Variants in SP100 observed in about 807,000 individuals in gnomAD.
SP100 encodes nuclear autoantigen Sp-100.
SP100 carries 84 observed loss-of-function variants against 130.0 expected under a neutral mutation model. The observed-to-expected ratio is 0.65, with a 90% CI of 0.54 to 0.77. The LOEUF (loss-of-function observed/expected upper bound fraction) is 0.77, where lower values mean the gene tolerates loss of function less well. Ranked by LOEUF, SP100 falls within the 30% of genes least tolerant of loss-of-function variation. The probability of loss-of-function intolerance (pLI) is 0.00; values close to 1 mark genes in which losing one functional copy is unlikely to be tolerated. For synonymous variants in SP100, 331 were observed against 351.7 expected (o/e 0.94, Z 0.66); for missense variants, 978 against 1,052.2 (o/e 0.93, Z 0.97).
At chr2:230,448,126 T>C (rs1437757565) in intron 5 of SP100, among the ~76,000 whole-genome samples, 2 of 152,198 alleles carry the variant, frequency 1.3e-5, no homozygotes, top group Admixed American at 6.5e-5. Flanking sequence ...AACTTGGTGA[T>C]GGCAGAAGAG....
intron 24 of SP100, among the ~76,000 whole-genome samples, chr2:230,523,059 C>A (rs1377151164): frequency 6.6e-6 from 1 of 152,056 alleles, no homozygotes; most frequent in Non-Finnish European, 1.5e-5. Flanking sequence ...AAATGATCCA[C>A]CTGCCTCAGC....
chr2:230,479,147 CA>C (rs1367228925), intron 17 of SP100, among the ~76,000 whole-genome samples: 1 of 152,190 alleles, frequency 6.6e-6, no homozygotes, highest in African/African-American at 2.4e-5. Context: ...TTTTCAACTA[CA>C]GCTCTCCCAC....
At chr2:230,418,553 A>G (rs2062682363) in intron 2 of SP100, among the ~76,000 whole-genome samples, 1 of 151,176 alleles carries the variant, frequency 6.6e-6, no homozygotes, top group Non-Finnish European at 1.5e-5. Context: ...GGTCACCCCA[A>G]ACTTCCCGTT....
rs148522006 is a variant in SP100, at chr2:230,434,879, G to T, written c.108-8058G>T. ...GTGGCCCGACAGACATGAGCAAAAG[G>T]AGAGGAGCAAAGGATGTATCATTTC... On this transcript the variant is annotated intron_variant, in intron 2 of 28. Coordinates refer to ENST00000340126, the MANE Select transcript of SP100 (RefSeq NM_001080391.2). Among the ~76,000 whole-genome samples the T allele has an allele frequency of 2.0e-5, 3 of 152,332 alleles. No homozygotes were observed. In the East Asian group the frequency reaches 5.8e-4, roughly 29 times the overall value.
At position 230,541,888 on chromosome 2, in the gene SP100, A is replaced by G; in HGVS notation, c.2404-4A>G. 2 of 1,613,154 alleles carry G rather than the reference A, an allele frequency of 1.2e-6. No individual in the cohort carries two copies. Among genetic ancestry groups the G allele is most frequent in the Non-Finnish European group, 1.7e-6 (2 of 1,179,726 alleles). ...TAGCCTCATTTTGGTCTTTTACTCA[A>G]CAGAACAGAGAGGGGTCTCAGGGCC... is the stretch of plus-strand genomic sequence containing the variant. On this transcript the variant is annotated splice_polypyrimidine_tract_variant and splice_region_variant and intron_variant, in intron 27 of 28. Coordinates refer to ENST00000340126, the MANE Select transcript of SP100 (RefSeq NM_001080391.2).
Position 230,494,166 on chromosome 2 carries a change from T to C in SP100, c.1601-250T>C, listed in dbSNP as rs188667855. Reference sequence around the variant, plus strand: ...GCTACTTTAAAAACTTTCTTTATTGTGAATGATAAGACCACATATGGATAT... The same window carrying C: ...GCTACTTTAAAAACTTTCTTTATTGCGAATGATAAGACCACATATGGATAT... On this transcript the variant is annotated intron_variant, in intron 17 of 28. Transcript: ENST00000340126. Among the ~76,000 whole-genome samples, 233 of 152,040 alleles carry C rather than the reference T, an allele frequency of 1.5e-3. 3 individuals carry two copies. The highest frequency in any genetic ancestry group is 5.3e-3 in the African/African-American group (220 of 41,460).
chr2:230,439,592 G>T (rs1038315102), intron 2 of SP100, among the ~76,000 whole-genome samples: 1 of 151,296 alleles, frequency 6.6e-6, no homozygotes, highest in African/African-American at 2.4e-5. Flanking sequence ...TTGTTTTTTT[G>T]GTTTATTTTT....
intron 17 of SP100, 114 bp downstream of exon 17, chr2:230,474,561 G>A (rs1179270516): frequency 6.5e-6 from 4 of 612,322 alleles, no homozygotes; most frequent in African/African-American, 3.9e-5. Context: ...ATTAAAGGGT[G>A]CATTTGCAGG....
In SP100 at chr2:230,542,045, T is replaced by G; in HGVS notation, c.2547+10T>G. On this transcript the variant is annotated intron_variant, in intron 28 of 28. Coordinates refer to ENST00000340126, the MANE Select transcript of SP100 (RefSeq NM_001080391.2). ...CAAGGAATTTTACAGGGTGAGTGGC[T>G]CTCCCTGCTTCCTTTTCTCTTTCAA... is the stretch of plus-strand genomic sequence containing the variant. 1 of 1,613,358 alleles carries G rather than the reference T, an allele frequency of 6.2e-7. No homozygotes were observed. Among genetic ancestry groups the G allele is most frequent in the Non-Finnish European group, 8.5e-7 (1 of 1,179,574 alleles).
chr2:230,484,733 T>C (rs999703111), intron 17 of SP100, among the ~76,000 whole-genome samples: 2 of 152,336 alleles, frequency 1.3e-5, no homozygotes, highest in Admixed American at 1.3e-4. Flanking sequence ...CTCATTTCTA[T>C]ATCTTAATTT....
intron 17 of SP100, among the ~76,000 whole-genome samples, chr2:230,480,845 C>T (rs1678199): frequency 6.6e-6 from 1 of 152,092 alleles, no homozygotes; most frequent in East Asian, 1.9e-4. Context: ...ACACCTGGCA[C>T]GTATTGGCAT....
chr2:230,522,330 A>C (rs1004009413), intron 24 of SP100, among the ~76,000 whole-genome samples: 3 of 152,122 alleles, frequency 2.0e-5, no homozygotes, highest in African/African-American at 7.2e-5. Flanking sequence ...GTTTAGCCCC[A>C]ATATTCTTTG....
chr2:230,482,500 A>G (rs558431289), intron 17 of SP100, among the ~76,000 whole-genome samples: 1 of 151,976 alleles, frequency 6.6e-6, no homozygotes, highest in African/African-American at 2.4e-5. Context: ...CTATCTCAAG[A>G]TTTGCTTTTG....
At chr2:230,446,122 GT>G (rs1440959054) in intron 4 of SP100, among the ~76,000 whole-genome samples, 1 of 152,040 alleles carries the variant, frequency 6.6e-6, no homozygotes, top group African/African-American at 2.4e-5. Context: ...ATTTATTTAT[GT>G]TTTTTGAGAC....
intron 8 of SP100, among the ~76,000 whole-genome samples, chr2:230,454,793 G>C (rs1328839539): frequency 6.6e-6 from 1 of 151,956 alleles, no homozygotes; most frequent in African/African-American, 2.4e-5. Flanking sequence ...ATGCCTTTTA[G>C]GTCCTCTTGG....
At chr2:230,485,111 T>G (rs1249126463) in intron 17 of SP100, among the ~76,000 whole-genome samples, 1 of 151,132 alleles carries the variant, frequency 6.6e-6, no homozygotes, top group East Asian at 1.9e-4. Context: ...TTTATTTTAT[T>G]TTATTTTATT....
In SP100 at chr2:230,541,782, G is replaced by A. The variant is rs1002252822; in HGVS notation, c.2404-110G>A. The A allele has an allele frequency of 8.5e-6, 10 of 1,171,638 alleles. No individual in the cohort carries two copies. In the African/African-American group the frequency reaches 1.1e-4, roughly 13 times the overall value. The allele number at this position is 1,171,638 out of a possible 1,614,324, so 72.6% of individuals were successfully genotyped here. On this transcript the variant is annotated intron_variant, in intron 27 of 28. Transcript: ENST00000340126. ...CCACCTCCTAGTACCTTCACAGGGG[G>A]GTTAGGATTTTGACCTATGGATTGG...
At chr2:230,452,523 G>A (rs1004657942) in intron 8 of SP100, among the ~76,000 whole-genome samples, 3 of 152,144 alleles carry the variant, frequency 2.0e-5, no homozygotes, top group Admixed American at 1.3e-4. Context: ...AGAGGACTTC[G>A]AGTTGTCTGG....
chr2:230,515,912 A>G, intron 24 of SP100: 11 of 1,151,582 alleles, frequency 9.6e-6, no homozygotes, highest in Non-Finnish European at 1.1e-5. Flanking sequence ...AGTGCACAGC[A>G]CAAATTAGTT....
Sources: allele counts gnomAD v4.1 joint callset (sites outside exome capture counted in the v4.1 genomes callset), GRCh38; gene constraint gnomAD v4.1.1; transcripts MANE v1.5; gene names NCBI Gene and HGNC (gene_info 2026-07-23, HGNC 2026-07-21).